Variants in CD37 observed in about 807,000 individuals in gnomAD.
CD37 encodes leukocyte antigen CD37.
CD37 carries 37 observed loss-of-function variants against 38.9 expected under a neutral mutation model. The observed-to-expected ratio is 0.95, with a 90% confidence interval of 0.73 to 1.25. The LOEUF (loss-of-function observed/expected upper bound fraction) is 1.25. Ranked by LOEUF, CD37 falls within the 50% of genes most tolerant of loss-of-function variation. CD37 has a pLI of 0.00. For missense variants in CD37, 351 were observed against 360.1 expected (o/e 0.97, Z 0.20); for synonymous variants, 146 against 150.1 (o/e 0.97, Z 0.20).
rs1971035389 is a variant in CD37, at chr19:49,338,239, G to A, written c.447+210G>A. The stretch of plus-strand genomic sequence containing the variant: ...AGTACCCAGACCCTGGCGTGGCTTC[G>A]CCATCTACCTCGAGAGACTCCGCCC... On this transcript the variant is annotated intron_variant, in intron 5 of 7. Transcript: ENST00000323906. This position sits in a 1 kb window ranked among gnomAD's most constrained non-coding sequence, Gnocchi z 5.0. The A allele has an allele frequency of 3.6e-6, 5 of 1,407,050 alleles. No individual in the cohort carries two copies. Among genetic ancestry groups the A allele is most frequent in the East Asian group, 2.5e-5 (1 of 39,246 alleles). The allele number at this position is 1,407,050 out of a possible 1,614,324, so 87.2% of individuals were successfully genotyped here.
chr19:49,336,110 G>A lies in CD37; in HGVS notation c.142+324G>A, dbSNP rs1033402114. ...TTGATGGATGTCATACAGCAAGGAC[G>A]TAAAAGAGCCAAAATAACATTAATA... On this transcript the variant is annotated intron_variant, in intron 2 of 7. Coordinates refer to ENST00000323906, the MANE Select transcript of CD37 (RefSeq NM_001774.3). 2.0e-5 allele frequency: 8 copies of A among 397,930 alleles called. No homozygotes were observed. In the Admixed American group the frequency reaches 2.4e-4, roughly 12 times the overall value. The allele number at this position is 397,930 out of a possible 1,614,324, so 24.6% of individuals were successfully genotyped here.
intron 2 of CD37, 72 bp from the exon 3 acceptor site, chr19:49,336,837 T>G (rs1440577853): frequency 3.8e-6 from 6 of 1,565,608 alleles, no homozygotes; most frequent in Non-Finnish European, 5.2e-6. Flanking sequence ...CTTGGGTGGC[T>G]GCCTAGGTGG....
chr19:49,339,343 G>A lies in CD37; in HGVS notation c.698G>A (p.Gly233Asp). 1 of 1,614,008 alleles carries A rather than the reference G, an allele frequency of 6.2e-7. No individual in the cohort carries two copies. Among genetic ancestry groups the A allele is most frequent in the Non-Finnish European group, 8.5e-7 (1 of 1,179,918 alleles). The part of the protein sequence containing the change: ...SHIYREGCAQ[G>D]LQKWLHNNLI... ...TACACCCCCCAGGGCTGCGCGCAGG[G>A]CCTCCAGAAGTGGCTGCACAACAAC... Residue 233 changes from glycine to aspartate, a missense_variant, in exon 7 of 8, where the codon GGC (glycine) becomes GAC (aspartate). Transcript: ENST00000323906. This position sits in a 1 kb window ranked among gnomAD's most constrained non-coding sequence, Gnocchi z 4.5.
Position 49,335,598 on chromosome 19 carries a change from C to T in CD37, c.58C>T (p.Leu20Phe). Reference protein sequence around the residue: ...LIKYFLFVFNLFFFVLGSLIF... With the variant: ...LIKYFLFVFNFFFFVLGSLIF... ...CAAGTACTTCCTCTTCGTTTTCAAC[C>T]TCTTCTTCTTCGTGAGTTGCCTCAT... The change falls in exon 1 of 8, where the codon CTC becomes TTC. Residue 20 changes from leucine to phenylalanine, a missense_variant. Transcript: ENST00000323906. This position sits in a 1 kb window ranked among gnomAD's most constrained non-coding sequence, Gnocchi z 4.6. 1.2e-6 allele frequency: 2 copies of T among 1,613,606 alleles called. No homozygotes were observed. The highest frequency in any genetic ancestry group is 2.7e-5 in the African/African-American group (2 of 75,028).
rs746718592 is a variant in CD37, at chr19:49,335,649, T to A, written c.69+40T>A. The A allele has an allele frequency of 6.2e-7, 1 of 1,609,600 alleles. No homozygotes were observed. The highest frequency in any genetic ancestry group is 8.5e-7 in the Non-Finnish European group (1 of 1,176,526). On this transcript the variant is annotated intron_variant, in intron 1 of 7. Transcript: ENST00000323906. The surrounding 1 kb of genome is among the most constrained non-coding windows in gnomAD (Gnocchi z 4.6). ...GGCTACCCAGCCGGGGCCCAGCCCCTGCCGCTAACCCAGCCCTCATCTTCC... is the reference window on the plus strand; with the variant it reads ...GGCTACCCAGCCGGGGCCCAGCCCCAGCCGCTAACCCAGCCCTCATCTTCC...
At chr19:49,337,353 G>T in intron 4 of CD37, 132 bp downstream of exon 4, 1 of 914,522 alleles carries the variant, frequency 1.1e-6, no homozygotes, top group Non-Finnish European at 1.7e-6. Flanking sequence ...TAAGAGGCTG[G>T]GCCTGGTGGC....
chr19:49,338,162 C>T lies in CD37; in HGVS notation c.447+133C>T. 4 of 1,456,694 alleles carry T rather than the reference C, an allele frequency of 2.7e-6. No individual in the cohort carries two copies. The highest frequency in any genetic ancestry group is 3.6e-6 in the Non-Finnish European group (4 of 1,106,070). 90.2% of individuals were successfully genotyped at this position (1,456,694 alleles called of 1,614,324 possible). Reference sequence around the variant, plus strand: ...ACACCCCAATCCCTCCCAGGCCCGACGCTCCCCACTCCCCAGATGACACAA... The same window carrying T: ...ACACCCCAATCCCTCCCAGGCCCGATGCTCCCCACTCCCCAGATGACACAA... On this transcript the variant is annotated intron_variant, in intron 5 of 7. Transcript: ENST00000323906. The surrounding 1 kb of genome is among the most constrained non-coding windows in gnomAD (Gnocchi z 5.0).
Position 49,335,524 on chromosome 19 carries a change from T to TA in CD37, c.-16dup. On this transcript the variant is annotated 5_prime_UTR_variant, in exon 1 of 8. Coordinates refer to ENST00000323906, the MANE Select transcript of CD37 (RefSeq NM_001774.3). This position sits in a 1 kb window ranked among gnomAD's most constrained non-coding sequence, Gnocchi z 4.6. Reference sequence around the variant, plus strand: ...TCTTCTGTGTGGTGAGTGGACCGCTTACCCCACTAGGTGAAGATGTCAGCC... The same window carrying TA: ...TCTTCTGTGTGGTGAGTGGACCGCTTAACCCCACTAGGTGAAGATGTCAGCC... 1.9e-6 allele frequency: 3 copies of TA among 1,604,502 alleles called. No individual in the cohort carries two copies. Among genetic ancestry groups the TA allele is most frequent in the Non-Finnish European group, 8.5e-7 (1 of 1,171,140 alleles).
chr19:49,340,271 G>A lies in CD37; in HGVS notation c.789G>A (p.Ser263=). The change falls in exon 8 of 8, where the codon TCG becomes TCA. Residue 263 remains serine, a synonymous_variant. Transcript: ENST00000323906. The part of the protein sequence containing the change: ...GLLELGFMTL[S]IFLCRNLDHV... Reference sequence around the variant, plus strand: ...TATAGCTCGGGTTCATGACGCTCTCGATATTCCTGTGCAGAAACCTGGACC... The same window carrying A: ...TATAGCTCGGGTTCATGACGCTCTCAATATTCCTGTGCAGAAACCTGGACC... The A allele has an allele frequency of 6.2e-7, 1 of 1,613,692 alleles. No homozygotes were observed. Among genetic ancestry groups the A allele is most frequent in the Non-Finnish European group, 8.5e-7 (1 of 1,179,912 alleles).
In CD37 at chr19:49,339,474, A is replaced by G. The variant is rs902004255; in HGVS notation, c.768+61A>G. 3 of 1,566,986 alleles carry G rather than the reference A, an allele frequency of 1.9e-6. No individual in the cohort carries two copies. On this transcript the variant is annotated intron_variant, in intron 7 of 7. Transcript: ENST00000323906. The surrounding 1 kb of genome is among the most constrained non-coding windows in gnomAD (Gnocchi z 4.5). Reference sequence around the variant, plus strand: ...AAATCCCTAGATGGCCCTGCCCTTCATTTCGCGTCCTTCGGTTGCCTGGGA... The same window carrying G: ...AAATCCCTAGATGGCCCTGCCCTTCGTTTCGCGTCCTTCGGTTGCCTGGGA...
chr19:49,336,059 C>T (rs1457631700), intron 2 of CD37: 1 of 510,384 alleles, frequency 2.0e-6, no homozygotes, highest in African/African-American at 1.9e-5. Flanking sequence ...CTTCCCCTCG[C>T]TTGAGGTTCA....
chr19:49,340,152 T>G, intron 7 of CD37, 99 bp from the exon 8 acceptor site: 3 of 1,140,198 alleles, frequency 2.6e-6, no homozygotes, highest in Non-Finnish European at 3.7e-6. Flanking sequence ...TCCCGCCCAA[T>G]TCACGGCCCC....
chr19:49,340,027 A>ACTC (rs1568552544), intron 7 of CD37: 1 of 1,476,432 alleles, frequency 6.8e-7, no homozygotes, highest in East Asian at 2.5e-5. Context: ...TTCCGACCTT[A>ACTC]CTCCTTCTCA....
Position 49,338,744 on chromosome 19 carries a change from C to T in CD37, c.492C>T (p.Val164=). The change falls in exon 6 of 8, where the codon GTC becomes GTT. Residue 164 remains valine (V), a synonymous_variant. Transcript: ENST00000323906. The surrounding 1 kb of genome is among the most constrained non-coding windows in gnomAD (Gnocchi z 5.0). ...ACTACCCGCAGGACTGGTTCCAAGT[C>T]CTCATCCTGAGAGGTAACGGGTCGG... ...GWHYPQDWFQ[V]LILRGNGSEA... 6.2e-7 allele frequency: 1 copy of T among 1,613,316 alleles called. No homozygotes were observed. The highest frequency in any genetic ancestry group is 8.5e-7 in the Non-Finnish European group (1 of 1,180,022).
Position 49,339,345 on chromosome 19 carries a change from C to T in CD37, c.700C>T (p.Leu234Phe). 8 of 1,613,988 alleles carry T rather than the reference C, an allele frequency of 5.0e-6. No individual in the cohort carries two copies. Among genetic ancestry groups the T allele is most frequent in the Non-Finnish European group, 6.8e-6 (8 of 1,179,922 alleles). ...CACCCCCCAGGGCTGCGCGCAGGGC[C>T]TCCAGAAGTGGCTGCACAACAACCT... is the stretch of plus-strand genomic sequence containing the variant. Reference protein sequence around the residue: ...HIYREGCAQGLQKWLHNNLIS... With the variant: ...HIYREGCAQGFQKWLHNNLIS... The change falls in exon 7 of 8, where the codon CTC (leucine) becomes TTC (phenylalanine). Residue 234 changes from leucine to phenylalanine, a missense_variant. Coordinates refer to ENST00000323906, the MANE Select transcript of CD37 (RefSeq NM_001774.3). This position sits in a 1 kb window ranked among gnomAD's most constrained non-coding sequence, Gnocchi z 4.5.
chr19:49,340,107 C>T, intron 7 of CD37, 144 bp from the exon 8 acceptor site: 2 of 1,538,160 alleles, frequency 1.3e-6, no homozygotes, highest in South Asian at 1.2e-5. Flanking sequence ...CCGTCGAGCC[C>T]CGCCCTTTTC....
In CD37 at chr19:49,339,823, G is replaced by A; in HGVS notation, c.768+410G>A. 7.4e-7 allele frequency: 1 copy of A among 1,344,224 alleles called. No individual in the cohort carries two copies. Among genetic ancestry groups the A allele is most frequent in the Non-Finnish European group, 9.6e-7 (1 of 1,045,348 alleles). The allele number at this position is 1,344,224 out of a possible 1,614,324, so 83.3% of individuals were successfully genotyped here. ...GTGGGGTGGCTGGGGCATGGCGGGT[G>A]CCTGCCCCAACTGGGGAGACAAGGC... On this transcript the variant is annotated intron_variant, in intron 7 of 7. Coordinates refer to ENST00000323906, the MANE Select transcript of CD37 (RefSeq NM_001774.3). This position sits in a 1 kb window ranked among gnomAD's most constrained non-coding sequence, Gnocchi z 4.5.
intron 4 of CD37, 175 bp from the exon 5 acceptor site, chr19:49,337,750 C>A (rs573323991): frequency 6.5e-7 from 1 of 1,536,380 alleles, no homozygotes; most frequent in African/African-American, 1.4e-5. Flanking sequence ...ACTTATGAGC[C>A]GTAGAAATAG....
In CD37 at chr19:49,339,899, A is replaced by C; in HGVS notation, c.769-352A>C. ...CTGGGGCTCTGGCCGCTGTGGGTTC[A>C]AGACGAGGACCAGCCTGACACTGGA... is the stretch of plus-strand genomic sequence containing the variant. On this transcript the variant is annotated intron_variant, in intron 7 of 7. Transcript: ENST00000323906. The surrounding 1 kb of genome is among the most constrained non-coding windows in gnomAD (Gnocchi z 4.5). The C allele has an allele frequency of 7.4e-7, 1 of 1,344,698 alleles. No homozygotes were observed. Among genetic ancestry groups the C allele is most frequent in the South Asian group, 1.6e-5 (1 of 64,362 alleles). The allele number at this position is 1,344,698 out of a possible 1,614,324, so 83.3% of individuals were successfully genotyped here.
Sources: gnomAD v4.1 joint callset for allele counts on GRCh38, gnomAD v4.1.1 for gene constraint, Gnocchi (gnomAD v3.1) non-coding constraint, MANE v1.5 for transcripts, NCBI Gene and HGNC (gene_info 2026-07-23, HGNC 2026-07-21) for gene names.